The following DUSP16 variants were observed in gnomAD, a reference collection of about 807,000 sequenced individuals.
DUSP16 encodes the protein dual specificity phosphatase 16.
A neutral mutation model predicts 58.3 loss-of-function variants in DUSP16; 21 were observed. The observed-to-expected ratio is 0.36, with a 90% confidence interval of 0.26 to 0.52. The LOEUF is 0.52. Ranked by LOEUF, DUSP16 falls within the 20% of genes least tolerant of loss-of-function variation. DUSP16 has a pLI of 0.94. For synonymous variants in DUSP16, 320 were observed against 323.8 expected (o/e 0.99, Z 0.12); for missense variants, 726 against 819.0 (o/e 0.89, Z 1.39).
Position 12,550,959 on chromosome 12 carries a change from C to T in DUSP16, c.-366+11158G>A, listed in dbSNP as rs750506451. On this transcript the variant is annotated intron_variant, in intron 1 of 6. Transcript: ENST00000298573. ...TAATAAAAGGTATTAATTTTTAAAA[C>T]GTCAACTCTTGAGAACTTGGCCTTT... is the stretch of plus-strand genomic sequence containing the variant. 7.2e-5 allele frequency among the ~76,000 whole-genome samples: 11 copies of T among 151,964 alleles called. No homozygotes were observed. The South Asian group carries it at 8.3e-4, about 11-fold the overall frequency.
At chr12:12,551,708 T>TC (rs71061080) in intron 1 of DUSP16, among the ~76,000 whole-genome samples, 9 of 148,880 alleles carry the variant, frequency 6.0e-5, no homozygotes, top group Middle Eastern at 3.2e-3. Flanking sequence ...TTTTTTTTTT[T>TC]CCGAGATGGA....
chr12:12,516,145 TG>T (rs1464913455), intron 3 of DUSP16, among the ~76,000 whole-genome samples: 1 of 151,784 alleles, frequency 6.6e-6, no homozygotes, highest in East Asian at 1.9e-4. Flanking sequence ...CTGATAATTT[TG>T]TGTTTTGTTT....
At chr12:12,497,103 CTG>C (rs1280102418) in intron 4 of DUSP16, among the ~76,000 whole-genome samples, 4 of 152,120 alleles carry the variant, frequency 2.6e-5, no homozygotes, top group Non-Finnish European at 5.9e-5. Flanking sequence ...CAAAAAGAGA[CTG>C]TAAAATATCT....
chr12:12,487,608 T>C (rs1337938457), intron 4 of DUSP16, among the ~76,000 whole-genome samples: 1 of 152,166 alleles, frequency 6.6e-6, no homozygotes, highest in East Asian at 1.9e-4. Flanking sequence ...AATACTCTCT[T>C]TGAAGGCTGC....
intron 4 of DUSP16, among the ~76,000 whole-genome samples, chr12:12,489,747 G>A (rs1181175428): frequency 6.6e-6 from 1 of 152,122 alleles, no homozygotes; most frequent in African/African-American, 2.4e-5. Context: ...GAAAAAATAC[G>A]ATGTACACTT....
intron 1 of DUSP16, among the ~76,000 whole-genome samples, chr12:12,530,288 C>G (rs1259883508): frequency 6.6e-6 from 1 of 152,114 alleles, no homozygotes; most frequent in Admixed American, 6.6e-5. Flanking sequence ...TTTCATAGAC[C>G]TGTTGGCCAT....
At chr12:12,521,902 AAAT>A (rs1413570287) in intron 1 of DUSP16, among the ~76,000 whole-genome samples, 4 of 152,216 alleles carry the variant, frequency 2.6e-5, no homozygotes, top group Admixed American at 1.3e-4. Context: ...ACAAAAAAAA[AAAT>A]ATTTTCTGAA....
intron 1 of DUSP16, among the ~76,000 whole-genome samples, chr12:12,539,741 A>G (rs1944523143): frequency 7.8e-6 from 1 of 128,652 alleles, no homozygotes; most frequent in Non-Finnish European, 1.6e-5. Context: ...AGGTTGGGCC[A>G]GCAGTTATTT....
intron 1 of DUSP16, among the ~76,000 whole-genome samples, chr12:12,524,257 A>C (rs1944272837): frequency 6.6e-6 from 1 of 152,204 alleles, no homozygotes; most frequent in Non-Finnish European, 1.5e-5. Context: ...AAGTGACTCT[A>C]AGCTGAGGAT....
chr12:12,543,584 T>G (rs553201839), intron 1 of DUSP16, among the ~76,000 whole-genome samples: 1 of 152,320 alleles, frequency 6.6e-6, no homozygotes, highest in East Asian at 1.9e-4. Flanking sequence ...AACATGTTTA[T>G]AACTGTAAAA....
chr12:12,545,525 G>A lies in DUSP16; in HGVS notation c.-366+16592C>T, dbSNP rs1475744253. On this transcript the variant is annotated intron_variant, in intron 1 of 6. Coordinates refer to ENST00000298573, the MANE Select transcript of DUSP16 (RefSeq NM_030640.3). ...TCAAACTCCTGACCTCAGGTGATCCGCCCGCCTCAGCCTCCCAAAGTGCTG... is the reference window on the plus strand; with the variant it reads ...TCAAACTCCTGACCTCAGGTGATCCACCCGCCTCAGCCTCCCAAAGTGCTG... 2.7e-5 allele frequency among the ~76,000 whole-genome samples: 4 copies of A among 148,028 alleles called. No homozygotes were observed. In the East Asian group the frequency reaches 5.9e-4, roughly 22 times the overall value.
At chr12:12,531,763 C>T (rs946963327) in intron 1 of DUSP16, among the ~76,000 whole-genome samples, 1 of 151,978 alleles carries the variant, frequency 6.6e-6, no homozygotes, top group Non-Finnish European at 1.5e-5. Context: ...CCCGGCTACT[C>T]GGGAGGCTGA....
intron 3 of DUSP16, among the ~76,000 whole-genome samples, chr12:12,506,372 C>G (rs1271910695): frequency 6.6e-6 from 1 of 152,184 alleles, no homozygotes; most frequent in African/African-American, 2.4e-5. Flanking sequence ...ACTTTGTTGT[C>G]CCAGGGACTC....
intron 3 of DUSP16, among the ~76,000 whole-genome samples, chr12:12,515,469 A>C (rs1291828611): frequency 6.6e-6 from 1 of 151,920 alleles, no homozygotes; most frequent in Non-Finnish European, 1.5e-5. Flanking sequence ...CTAGGATTAC[A>C]GGCATGCGCC....
chr12:12,490,461 A>G (rs1943747181), intron 4 of DUSP16, among the ~76,000 whole-genome samples: 1 of 152,250 alleles, frequency 6.6e-6, no homozygotes. Context: ...ACTAAATTAA[A>G]TATCATAAAT....
At chr12:12,522,234 G>A (rs190580020) in intron 1 of DUSP16, among the ~76,000 whole-genome samples, 1 of 152,250 alleles carries the variant, frequency 6.6e-6, no homozygotes, top group African/African-American at 2.4e-5. Context: ...GGCCCTGTAA[G>A]CTTATCCTTC....
At position 12,493,113 on chromosome 12, in the gene DUSP16, C is replaced by CTTATA. The variant is rs1393755323; in HGVS notation, c.532-5927_532-5926insTATAA. Among the ~76,000 whole-genome samples the CTTATA allele has an allele frequency of 3.8e-3, 581 of 152,246 alleles. 2 individuals carry two copies. Among genetic ancestry groups the CTTATA allele is most frequent in the African/African-American group, 0.013 (553 of 41,530 alleles). On this transcript the variant is annotated intron_variant, in intron 4 of 6. Transcript: ENST00000298573. ...CTTTATACCTCCTCCTTCAGGGATCCCCCTGCCCCATTCATACATCCATCT... is the reference window on the plus strand; with the variant it reads ...CTTTATACCTCCTCCTTCAGGGATCCTTATACCCTGCCCCATTCATACATCCATCT...
At chr12:12,549,427 C>G (rs1441653965) in intron 1 of DUSP16, among the ~76,000 whole-genome samples, 1 of 152,210 alleles carries the variant, frequency 6.6e-6, no homozygotes, top group Non-Finnish European at 1.5e-5. Flanking sequence ...CCAGCTGATC[C>G]TGGAGTCTTC....
intron 3 of DUSP16, among the ~76,000 whole-genome samples, chr12:12,512,656 C>CT (rs751505221): frequency 6.6e-6 from 1 of 152,194 alleles, no homozygotes; most frequent in South Asian, 2.1e-4. Flanking sequence ...GGATTTCCTT[C>CT]TTTTTTAAGG....
Sources: allele counts gnomAD v4.1 joint callset (sites outside exome capture counted in the v4.1 genomes callset), GRCh38; gene constraint gnomAD v4.1.1; transcripts MANE v1.5; gene names NCBI Gene and HGNC (gene_info 2026-07-23, HGNC 2026-07-21).